ZNF143: variants seen among roughly 807,000 people sequenced by gnomAD.
ZNF143 encodes SPH-binding factor.
In ZNF143, 49 loss-of-function variants were observed where a neutral mutation model predicts 74.1. The observed-to-expected ratio is 0.66, with a 90% confidence interval of 0.53 to 0.84. The LOEUF (loss-of-function observed/expected upper bound fraction) is 0.84. Among genes scored for constraint, ZNF143 ranks in the 40% least tolerant of loss-of-function variants. The pLI is 0.00. For missense variants in ZNF143, 637 were observed against 793.4 expected (o/e 0.80, Z 2.37); for synonymous variants, 304 against 282.8 (o/e 1.07, Z -0.75).
At chr11:9,480,841 C>T (rs533026845) in intron 7 of ZNF143, among the ~76,000 whole-genome samples, 1 of 150,482 alleles carries the variant, frequency 6.6e-6, no homozygotes, top group Admixed American at 6.6e-5. Flanking sequence ...GAGCCAAGAT[C>T]GCGCTGTTGC....
intron 7 of ZNF143, among the ~76,000 whole-genome samples, chr11:9,485,649 T>C (rs1847444355): frequency 6.6e-6 from 1 of 151,552 alleles, no homozygotes; most frequent in African/African-American, 2.4e-5. Flanking sequence ...CTTGTTTTTG[T>C]TTCTTAATCT....
chr11:9,469,248 C>A (rs563025921), intron 1 of ZNF143, among the ~76,000 whole-genome samples: 273 of 145,132 alleles, frequency 1.9e-3, no homozygotes, highest in African/African-American at 6.9e-3. Context: ...TACCACCCCC[C>A]CATACGGAGT....
intron 14 of ZNF143, among the ~76,000 whole-genome samples, chr11:9,518,380 C>A (rs1001784177): frequency 7.2e-5 from 11 of 152,098 alleles, no homozygotes; most frequent in Non-Finnish European, 1.3e-4. Context: ...GTAAAATGAT[C>A]AATAAGCACA....
chr11:9,473,962 A>G lies in ZNF143; in HGVS notation c.227A>G (p.Gln76Arg). Residue 76 changes from glutamine (Q) to arginine (R), a missense_variant, in exon 4 of 16, where the codon CAG becomes CGG. By Grantham distance (43) the Gln-to-Arg change is conservative. Coordinates refer to ENST00000396602, the MANE Select transcript of ZNF143 (RefSeq NM_003442.6). ...ATAGATGCAAAACTCATAGATGGCCAGGTCATTCAGTTGGAAGATGGTTCT... is the reference window on the plus strand; with the variant it reads ...ATAGATGCAAAACTCATAGATGGCCGGGTCATTCAGTTGGAAGATGGTTCT... ...NSKDAKLIDG[Q>R]VIQLEDGSAA... 3 of 1,614,156 alleles carry G rather than the reference A, an allele frequency of 1.9e-6. No homozygotes were observed. The highest frequency in any genetic ancestry group is 8.5e-7 in the Non-Finnish European group (1 of 1,179,994).
Position 9,497,785 on chromosome 11 carries a change from A to G in ZNF143, c.952A>G (p.Ile318Val), listed in dbSNP as rs754146271. 2.5e-6 allele frequency: 4 copies of G among 1,606,854 alleles called. No homozygotes were observed. Among genetic ancestry groups the G allele is most frequent in the Non-Finnish European group, 8.5e-7 (1 of 1,177,254 alleles). Reference protein sequence around the residue: ...FKTSGDLQKHIRTHTGERPFK... With the variant: ...FKTSGDLQKHVRTHTGERPFK... Reference sequence around the variant, plus strand: ...AACTTCAGGAGATCTACAGAAACACATCAGAACTCATACAGGTACTAGTGG... The same window carrying G: ...AACTTCAGGAGATCTACAGAAACACGTCAGAACTCATACAGGTACTAGTGG... The change falls in exon 10 of 16, where the codon ATC becomes GTC. Residue 318 changes from isoleucine to valine, a missense_variant. By Grantham distance (29) the Ile-to-Val change is conservative. Coordinates refer to ENST00000396602, the MANE Select transcript of ZNF143 (RefSeq NM_003442.6).
intron 1 of ZNF143, among the ~76,000 whole-genome samples, chr11:9,465,509 A>G (rs547300416): frequency 1.3e-5 from 2 of 148,918 alleles, no homozygotes; most frequent in Non-Finnish European, 3.0e-5. Context: ...TTATTTATTT[A>G]TTTTTTCTGA....
intron 7 of ZNF143, among the ~76,000 whole-genome samples, chr11:9,481,851 G>C (rs1399450225): frequency 1.4e-5 from 2 of 143,500 alleles, no homozygotes; most frequent in Non-Finnish European, 3.0e-5. Context: ...TTGTGCCACT[G>C]CACCCCAGCC....
At chr11:9,511,503 C>T (rs533308354) in intron 12 of ZNF143, among the ~76,000 whole-genome samples, 70 of 150,998 alleles carry the variant, frequency 4.6e-4, no homozygotes, top group African/African-American at 1.2e-3. Flanking sequence ...TGGGTTTCAC[C>T]GTGTTAGCCA....
At chr11:9,491,650 G>A (rs1179739420) in intron 7 of ZNF143, among the ~76,000 whole-genome samples, 1 of 151,352 alleles carries the variant, frequency 6.6e-6, no homozygotes, top group East Asian at 1.9e-4. Flanking sequence ...AAAAAAAAAA[G>A]ACAGGTGTCT....
At chr11:9,486,333 TAA>T in intron 7 of ZNF143, among the ~76,000 whole-genome samples, 1 of 85,344 alleles carries the variant, frequency 1.2e-5, no homozygotes, top group Admixed American at 1.9e-4. Flanking sequence ...TCCTAGGCGC[TAA>T]TTATATTATA....
chr11:9,468,382 A>G (rs1170871278), intron 1 of ZNF143, among the ~76,000 whole-genome samples: 2 of 152,220 alleles, frequency 1.3e-5, no homozygotes, highest in South Asian at 2.1e-4. Flanking sequence ...TAAGCCTAGT[A>G]GGTCCTATCT....
Position 9,498,520 on chromosome 11 carries a change from T to C in ZNF143, c.967+720T>C, listed in dbSNP as rs576922520. Reference sequence around the variant, plus strand: ...GCCCACAGCAAGAAAGATTCATTACTTTTTGTGATCATTTCTCCTTCTCTT... The same window carrying C: ...GCCCACAGCAAGAAAGATTCATTACCTTTTGTGATCATTTCTCCTTCTCTT... On this transcript the variant is annotated intron_variant, in intron 10 of 15. Coordinates refer to ENST00000396602, the MANE Select transcript of ZNF143 (RefSeq NM_003442.6). 8.6e-4 allele frequency among the ~76,000 whole-genome samples: 131 copies of C among 152,366 alleles called. 1 individual carries two copies. The highest frequency in any genetic ancestry group is 2.9e-3 in the African/African-American group (121 of 41,584).
At chr11:9,518,097 A>G (rs1193334587) in intron 14 of ZNF143, among the ~76,000 whole-genome samples, 1 of 152,258 alleles carries the variant, frequency 6.6e-6, no homozygotes, top group African/African-American at 2.4e-5. Flanking sequence ...AAAGTGTTTT[A>G]AAATGTACAA....
At chr11:9,493,313 G>A (rs893821922) in intron 7 of ZNF143, among the ~76,000 whole-genome samples, 2 of 151,868 alleles carry the variant, frequency 1.3e-5, no homozygotes, top group Admixed American at 6.6e-5. Context: ...CTTGTGACCC[G>A]CCCGCCTCGG....
chr11:9,507,553 TGAGGG>T (rs1303094326), intron 11 of ZNF143, among the ~76,000 whole-genome samples: 1 of 152,200 alleles, frequency 6.6e-6, no homozygotes, highest in Non-Finnish European at 1.5e-5. Context: ...AGCCCAAGAC[TGAGGG>T]CATAAGTCAA....
chr11:9,494,437 C>A (rs1847888970), intron 7 of ZNF143, among the ~76,000 whole-genome samples: 1 of 151,950 alleles, frequency 6.6e-6, no homozygotes, highest in Non-Finnish European at 1.5e-5. Context: ...TTCCCAAGTA[C>A]CTGGGAACCA....
At chr11:9,476,901 A>G (rs1203046975) in intron 5 of ZNF143, among the ~76,000 whole-genome samples, 1 of 150,312 alleles carries the variant, frequency 6.7e-6, no homozygotes, top group Non-Finnish European at 1.5e-5. Context: ...CTGGGACTAC[A>G]GGCACCCACC....
intron 13 of ZNF143, among the ~76,000 whole-genome samples, chr11:9,515,041 T>C (rs1049748870): frequency 6.6e-6 from 1 of 151,916 alleles, no homozygotes; most frequent in African/African-American, 2.4e-5. Flanking sequence ...GGCAGGAGAA[T>C]TGCTTGAATC....
chr11:9,495,438 C>T (rs1453500093), intron 8 of ZNF143, among the ~76,000 whole-genome samples: 1 of 152,144 alleles, frequency 6.6e-6, no homozygotes, highest in Non-Finnish European at 1.5e-5. Context: ...GAAACTCCAT[C>T]TCAATAAATA....
Sources: gnomAD v4.1 joint callset for allele counts (sites outside exome capture counted in the v4.1 genomes callset) on GRCh38, gnomAD v4.1.1 for gene constraint, MANE v1.5 for transcripts, NCBI Gene and HGNC (gene_info 2026-07-23, HGNC 2026-07-21) for gene names.